The following ZNF567 variants were observed in gnomAD, a reference collection of about 807,000 sequenced individuals.
ZNF567 encodes the protein zinc finger protein 567.
ZNF567 carries 36 observed loss-of-function variants against 53.9 expected under a neutral mutation model. The ratio of observed to expected loss-of-function variants is 0.67; its 90% CI spans 0.51 to 0.88. The LOEUF (loss-of-function observed/expected upper bound fraction) is 0.88. Among genes scored for constraint, ZNF567 ranks in the 40% least tolerant of loss-of-function variants. The pLI is 0.00. For missense variants in ZNF567, 619 were observed against 764.7 expected (o/e 0.81, Z 2.25); for synonymous variants, 224 against 260.4 (o/e 0.86, Z 1.35).
chr19:36,682,667 G>T (rs1454441447), upstream of ZNF567, among the ~76,000 whole-genome samples: 1 of 150,714 alleles, frequency 6.6e-6, no homozygotes, highest in African/African-American at 2.4e-5. Context: ...GGGAGCAGCG[G>T]CACCATCTTG....
chr19:36,677,410 G>A, the ZNF567 span, among the ~76,000 whole-genome samples: 19 of 130,756 alleles, frequency 1.5e-4, no homozygotes, highest in African/African-American at 5.5e-4. Context: ...AGTGAGCTGA[G>A]ATCATGCCAC....
At chr19:36,696,118 TC>T (rs920269878) in intron 3 of ZNF567, among the ~76,000 whole-genome samples, 2 of 152,224 alleles carry the variant, frequency 1.3e-5, no homozygotes, top group Non-Finnish European at 2.9e-5. Flanking sequence ...TCACATTTCT[TC>T]CAATTTTATG....
chr19:36,688,929 C>T (rs1279747630), intron 1 of ZNF567, among the ~76,000 whole-genome samples: 1 of 152,072 alleles, frequency 6.6e-6, no homozygotes, highest in Non-Finnish European at 1.5e-5. Flanking sequence ...GAAACCCCGT[C>T]TCTACTAAAA....
upstream of ZNF567, among the ~76,000 whole-genome samples, chr19:36,684,479 A>G (rs2038231738): frequency 6.6e-6 from 1 of 152,138 alleles, no homozygotes; most frequent in Non-Finnish European, 1.5e-5. Flanking sequence ...GGCTGAAGAG[A>G]CCCAAACTTT....
At chr19:36,699,583 T>C (rs376024117) in intron 3 of ZNF567, among the ~76,000 whole-genome samples, 4 of 152,066 alleles carry the variant, frequency 2.6e-5, no homozygotes, top group Admixed American at 2.0e-4. Flanking sequence ...TTGTTTGTAT[T>C]CTCTTTTATT....
chr19:36,696,452 C>T (rs955799713), intron 3 of ZNF567, among the ~76,000 whole-genome samples: 3 of 152,154 alleles, frequency 2.0e-5, no homozygotes, highest in African/African-American at 2.4e-5. Context: ...CTACATGTTC[C>T]GCAGATCCTT....
chr19:36,712,919 AG>A (rs748576248), intron 5 of ZNF567, 52 bp downstream of exon 5: 2 of 1,424,856 alleles, frequency 1.4e-6, no homozygotes, highest in Admixed American at 1.9e-5. Flanking sequence ...TAAATTTAAA[AG>A]GGTCAAGTGG....
the ZNF567 span, among the ~76,000 whole-genome samples, chr19:36,673,538 G>A: frequency 1.7e-4 from 26 of 152,258 alleles, no homozygotes; most frequent in East Asian, 4.6e-3. Flanking sequence ...AATTGTGTTA[G>A]CAGACTGCCT....
At chr19:36,692,412 G>A (rs1323455566) in intron 2 of ZNF567, among the ~76,000 whole-genome samples, 1 of 152,122 alleles carries the variant, frequency 6.6e-6, no homozygotes, top group Non-Finnish European at 1.5e-5. Flanking sequence ...TTGCTCTGTT[G>A]TCCAGGTCGA....
chr19:36,702,259 G>C (rs1246301172), intron 3 of ZNF567, among the ~76,000 whole-genome samples: 10 of 152,234 alleles, frequency 6.6e-5, no homozygotes, highest in East Asian at 5.8e-4. Context: ...GGCCCCCACT[G>C]TCTTCTGGCT....
At chr19:36,692,326 G>C (rs1476901808) in intron 2 of ZNF567, among the ~76,000 whole-genome samples, 1 of 152,172 alleles carries the variant, frequency 6.6e-6, no homozygotes, top group African/African-American at 2.4e-5. Flanking sequence ...GAAAACTAGT[G>C]ATATCTGAAA....
intron 3 of ZNF567, chr19:36,711,381 A>C (rs2039779874): frequency 6.6e-6 from 1 of 152,186 alleles, no homozygotes; most frequent in Non-Finnish European, 1.5e-5. Flanking sequence ...TGGTGGTTTT[A>C]TGCCATGAGA....
chr19:36,696,887 A>T (rs1381103603), intron 3 of ZNF567, among the ~76,000 whole-genome samples: 1 of 152,216 alleles, frequency 6.6e-6, no homozygotes, highest in African/African-American at 2.4e-5. Context: ...GTACGTTCAC[A>T]AGTTGTGTAA....
intron 5 of ZNF567, among the ~76,000 whole-genome samples, chr19:36,716,947 T>C (rs150776299): frequency 7.9e-5 from 12 of 152,240 alleles, no homozygotes; most frequent in Non-Finnish European, 1.5e-4. Context: ...TGACTCAGCC[T>C]CTGGAGTAGC....
chr19:36,694,844 TC>T lies in ZNF567; in HGVS notation c.-23del. 1 of 1,524,164 alleles carries T rather than the reference TC, an allele frequency of 6.6e-7. No individual in the cohort carries two copies. The highest frequency in any genetic ancestry group is 8.7e-7 in the Non-Finnish European group (1 of 1,143,690). The allele number at this position is 1,524,164 out of a possible 1,614,324, so 94.4% of individuals were successfully genotyped here. The stretch of plus-strand genomic sequence containing the variant: ...AAGAGGACTCCAAAGGAAGGACTGG[TC>T]ATCTCTTTCATATCTCAAAACCATG... On this transcript the variant is annotated 5_prime_UTR_variant, in exon 3 of 6. Coordinates refer to ENST00000682579, the MANE Select transcript of ZNF567 (RefSeq NM_001322917.1).
chr19:36,678,383 C>T, the ZNF567 span, among the ~76,000 whole-genome samples: 80 of 152,204 alleles, frequency 5.3e-4, no homozygotes, highest in Non-Finnish European at 8.4e-4. Context: ...AAGAAATACA[C>T]ACTGAGCATT....
At chr19:36,698,840 G>T (rs2039027061) in intron 3 of ZNF567, among the ~76,000 whole-genome samples, 1 of 151,998 alleles carries the variant, frequency 6.6e-6, no homozygotes, top group Non-Finnish European at 1.5e-5. Context: ...CAGATGAGTA[G>T]GTTGCGAAAA....
upstream of ZNF567, among the ~76,000 whole-genome samples, chr19:36,684,149 T>C (rs1387787423): frequency 6.6e-6 from 1 of 152,238 alleles, no homozygotes; most frequent in African/African-American, 2.4e-5. Flanking sequence ...GTTCATAATT[T>C]AGTGACATGA....
chr19:36,723,374 G>A, downstream of ZNF567: 1 of 627,802 alleles, frequency 1.6e-6, no homozygotes, highest in Non-Finnish European at 2.9e-6. Context: ...CCTGTCTCCT[G>A]ATTTACTGAT....
Sources: gnomAD v4.1 joint callset for allele counts (sites outside exome capture counted in the v4.1 genomes callset) on GRCh38, gnomAD v4.1.1 for gene constraint, MANE v1.5 for transcripts, NCBI Gene and HGNC (gene_info 2026-07-23, HGNC 2026-07-21) for gene names.